The following THEMIS variants were observed in gnomAD, a reference collection of about 807,000 sequenced individuals.
The protein encoded by THEMIS is thymocyte selection associated.
In THEMIS, 37 loss-of-function variants were observed where a neutral mutation model predicts 52.6. The ratio of observed to expected loss-of-function variants is 0.70; its 90% CI spans 0.54 to 0.93. The LOEUF (loss-of-function observed/expected upper bound fraction) is 0.93. THEMIS is among the 40% of genes least tolerant of loss of function. The probability of loss-of-function intolerance (pLI) is 0.00; values close to 1 mark genes in which losing one functional copy is unlikely to be tolerated. For missense variants in THEMIS, 808 were observed against 763.1 expected, an observed-to-expected ratio of 1.06 and a Z score of -0.69; for synonymous variants, 292 against 272.7, an observed-to-expected ratio of 1.07 and a Z score of -0.70.
intron 1 of THEMIS, among the ~76,000 whole-genome samples, chr6:127,869,273 C>T (rs1780082233): frequency 6.6e-6 from 1 of 152,150 alleles, no homozygotes; most frequent in African/African-American, 2.4e-5. Context: ...TATTGAACAT[C>T]ATAGCTTAGC....
intron 4 of THEMIS, among the ~76,000 whole-genome samples, chr6:127,783,847 A>AT (rs2114491640): frequency 6.6e-6 from 1 of 152,312 alleles, no homozygotes; most frequent in East Asian, 1.9e-4. Flanking sequence ...AAGGATCTAG[A>AT]ACCTGAAATA....
At chr6:127,882,466 GA>G (rs1338776089) in intron 1 of THEMIS, among the ~76,000 whole-genome samples, 1 of 151,798 alleles carries the variant, frequency 6.6e-6, no homozygotes, top group Non-Finnish European at 1.5e-5. Context: ...CTTAGATATA[GA>G]AAGTTTACAG....
chr6:127,855,158 C>T lies in THEMIS; in HGVS notation c.122G>A (p.Cys41Tyr). The T allele has an allele frequency of 6.2e-7, 1 of 1,604,158 alleles. No individual in the cohort carries two copies. The highest frequency in any genetic ancestry group is 8.5e-7 in the Non-Finnish European group (1 of 1,176,094). Residue 41 changes from cysteine to tyrosine, a missense_variant, in exon 2 of 6, where the codon TGC becomes TAC. By Grantham distance (194) the Cys-to-Tyr change is radical. Transcript: ENST00000368248. ...AATCACTTCTCCTGTTGAAAAACAG[C>T]ATTCATTTCCAAACATTTCATAAAT... ...GSIYEMFGNE[C>Y]CFSTGEVIKI... is the part of the protein sequence containing the mutation.
At chr6:127,914,348 C>G (rs1781474317) in intron 1 of THEMIS, among the ~76,000 whole-genome samples, 1 of 152,108 alleles carries the variant, frequency 6.6e-6, no homozygotes, top group Non-Finnish European at 1.5e-5. Context: ...CTTTTTCTTG[C>G]CACTTTGTAA....
At chr6:127,714,281 T>C (rs1774083650) in intron 5 of THEMIS, among the ~76,000 whole-genome samples, 1 of 151,960 alleles carries the variant, frequency 6.6e-6, no homozygotes, top group South Asian at 2.1e-4. Flanking sequence ...TACTTGACTG[T>C]GCTGATAGAA....
intron 1 of THEMIS, among the ~76,000 whole-genome samples, chr6:127,898,430 A>AT (rs1178544321): frequency 6.6e-6 from 1 of 151,848 alleles, no homozygotes; most frequent in African/African-American, 2.4e-5. Flanking sequence ...ATAAAAACTC[A>AT]TTGAAAAAGT....
At chr6:127,854,312 G>A (rs1202621237) in intron 2 of THEMIS, among the ~76,000 whole-genome samples, 2 of 151,772 alleles carry the variant, frequency 1.3e-5, no homozygotes. Context: ...TAGTGAAATA[G>A]GTGTGACAGA....
At chr6:127,739,685 C>T in intron 4 of THEMIS, among the ~76,000 whole-genome samples, 1 of 152,066 alleles carries the variant, frequency 6.6e-6, no homozygotes, top group East Asian at 1.9e-4. Context: ...TTCCAGCTGC[C>T]TTTGAGGGCT....
chr6:127,757,879 C>T (rs1013238489), intron 4 of THEMIS, among the ~76,000 whole-genome samples: 5 of 151,742 alleles, frequency 3.3e-5, no homozygotes, highest in East Asian at 1.9e-4. Context: ...TGGTAGAGAG[C>T]GATCAGGTAA....
intron 3 of THEMIS, among the ~76,000 whole-genome samples, chr6:127,817,345 G>C (rs1583311518): frequency 6.6e-6 from 1 of 152,082 alleles, no homozygotes; most frequent in African/African-American, 2.4e-5. Flanking sequence ...GGAAAAAAAA[G>C]TTTTCTATGT....
chr6:127,906,810 C>A (rs1781280437), intron 1 of THEMIS, among the ~76,000 whole-genome samples: 1 of 151,952 alleles, frequency 6.6e-6, no homozygotes, highest in African/African-American at 2.4e-5. Flanking sequence ...CCAATGATTT[C>A]TATCCCAAGA....
At chr6:127,730,328 A>G (rs557664201) in intron 4 of THEMIS, among the ~76,000 whole-genome samples, 2 of 149,866 alleles carry the variant, frequency 1.3e-5, no homozygotes, top group South Asian at 4.2e-4. Flanking sequence ...GAAAAAAAGA[A>G]AAGAAAAGAA....
chr6:127,907,818 A>G (rs1226048066), intron 1 of THEMIS, among the ~76,000 whole-genome samples: 1 of 137,238 alleles, frequency 7.3e-6, no homozygotes, highest in South Asian at 2.5e-4. Context: ...CTCCAACCAT[A>G]TGTACATTCT....
intron 4 of THEMIS, among the ~76,000 whole-genome samples, chr6:127,730,326 G>GAAAAA (rs1562219918): frequency 1.0e-4 from 13 of 128,732 alleles, no homozygotes; most frequent in African/African-American, 1.7e-4. Flanking sequence ...GAGAAAAAAA[G>GAAAAA]AAAAGAAAAG....
At chr6:127,778,348 T>C (rs1195484518) in intron 4 of THEMIS, among the ~76,000 whole-genome samples, 2 of 152,160 alleles carry the variant, frequency 1.3e-5, no homozygotes, top group African/African-American at 4.8e-5. Context: ...GGTAGATTTA[T>C]ATATAATCAA....
At chr6:127,914,163 G>GA (rs1486938574) in intron 1 of THEMIS, among the ~76,000 whole-genome samples, 2 of 152,022 alleles carry the variant, frequency 1.3e-5, no homozygotes, top group Non-Finnish European at 2.9e-5. Flanking sequence ...AATGAGTTTT[G>GA]ACTTCAACAT....
chr6:127,744,603 A>T (rs1196885890), intron 4 of THEMIS, among the ~76,000 whole-genome samples: 3 of 152,036 alleles, frequency 2.0e-5, no homozygotes, highest in African/African-American at 2.4e-5. Flanking sequence ...GCATGATTCC[A>T]CTTACATGAG....
chr6:127,862,043 G>T (rs1472678471), intron 1 of THEMIS, among the ~76,000 whole-genome samples: 1 of 152,008 alleles, frequency 6.6e-6, no homozygotes, highest in African/African-American at 2.4e-5. Flanking sequence ...ACTTCCAGAA[G>T]GAATTAAGTG....
chr6:127,889,937 G>T (rs1177290336), intron 1 of THEMIS, among the ~76,000 whole-genome samples: 4 of 152,038 alleles, frequency 2.6e-5, no homozygotes, highest in Non-Finnish European at 5.9e-5. Context: ...ATTAAAGATT[G>T]CAGGCCCTAT....
Sources: allele counts gnomAD v4.1 joint callset (sites outside exome capture counted in the v4.1 genomes callset), GRCh38; gene constraint gnomAD v4.1.1; transcripts MANE v1.5; gene names NCBI Gene and HGNC (gene_info 2026-07-23, HGNC 2026-07-21).